Variants in EHBP1L1 observed in about 807,000 individuals in gnomAD.
EHBP1L1 encodes EH domain binding protein 1 like 1.
Under a neutral mutation model 151.1 loss-of-function variants are expected in EHBP1L1, and 122 were observed. The ratio of observed to expected loss-of-function variants is 0.81; its 90% CI spans 0.70 to 0.94. The LOEUF (loss-of-function observed/expected upper bound fraction) is 0.94, where lower values mean the gene tolerates loss of function less well. EHBP1L1 is among the 40% of genes least tolerant of loss of function. The pLI is 0.00. For synonymous variants in EHBP1L1, 878 were observed against 810.1 expected (o/e 1.08, Z -1.42); for missense variants, 1,941 against 1,959.8 (o/e 0.99, Z 0.18).
Position 65,592,107 on chromosome 11 carries a change from G to A in EHBP1L1, c.4472+17G>A, listed in dbSNP as rs1858354216. 1.2e-6 allele frequency: 2 copies of A among 1,612,144 alleles called. No individual in the cohort carries two copies. Among genetic ancestry groups the A allele is most frequent in the Non-Finnish European group, 1.7e-6 (2 of 1,178,966 alleles). On this transcript the variant is annotated intron_variant, in intron 18 of 18. Transcript: ENST00000309295. ...GGAGCGGATGTGAGTGGCGCTGGGC[G>A]GCGCTGGGAGTTGGGAGGGTCCGGG...
intron 4 of EHBP1L1, 38 bp downstream of exon 4, chr11:65,580,027 G>A (rs763342045): frequency 6.2e-7 from 1 of 1,613,746 alleles, no homozygotes; most frequent in Non-Finnish European, 8.5e-7. Flanking sequence ...GGAATCTTGG[G>A]GACCCTGGGA....
chr11:65,590,337 G>C (rs1858206090), intron 15 of EHBP1L1, 127 bp downstream of exon 15: 2 of 1,520,398 alleles, frequency 1.3e-6, no homozygotes, highest in Admixed American at 4.0e-5. Context: ...CCATTTTACA[G>C]CCAGGCATGC....
rs112470987 is a variant in EHBP1L1 at position 65,579,895 on chromosome 11, TG to T, written c.259-40del. The T allele has an allele frequency of 7.6e-5, 122 of 1,604,664 alleles. 3 individuals are homozygous for T. The African/African-American group carries it at 1.1e-3, about 14-fold the overall frequency. ...AGACAAGCTCTGCTCCCTTTGCTGC[TG>T]CCCCAACAGTCCTGTACTCACCAGC... On this transcript the variant is annotated intron_variant, in intron 3 of 18. Coordinates refer to ENST00000309295, the MANE Select transcript of EHBP1L1 (RefSeq NM_001099409.3).
Position 65,581,758 on chromosome 11 carries a change from T to A in EHBP1L1, c.1086T>A (p.Ile362=). ...EAHGARLGPS[I]EDKGSGDPFG... is the part of the protein sequence containing the mutation. ...ATGGAGCTAGGCTGGGCCCGAGCAT[T>A]GAGGATAAAGGTTCTGGAGACCCTT... is the stretch of plus-strand genomic sequence containing the variant. Residue 362 remains isoleucine, a synonymous_variant, in exon 9 of 19, where the codon ATT becomes ATA. Coordinates refer to ENST00000309295, the MANE Select transcript of EHBP1L1 (RefSeq NM_001099409.3). 6.2e-7 allele frequency: 1 copy of A among 1,610,490 alleles called. No individual in the cohort carries two copies. The highest frequency in any genetic ancestry group is 8.5e-7 in the Non-Finnish European group (1 of 1,178,452).
At chr11:65,577,504 G>A (rs2135219719) in intron 1 of EHBP1L1, among the ~76,000 whole-genome samples, 1 of 152,328 alleles carries the variant, frequency 6.6e-6, no homozygotes, top group African/African-American at 2.4e-5. Context: ...GGCACAGCAG[G>A]CTGAGGGTGC....
At position 65,581,811 on chromosome 11, in the gene EHBP1L1, AGAT is replaced by A; in HGVS notation, c.1141_1143del (p.Met381del). The A allele has an allele frequency of 6.2e-7, 1 of 1,613,644 alleles. No homozygotes were observed. The highest frequency in any genetic ancestry group is 8.5e-7 in the Non-Finnish European group (1 of 1,179,784). On this transcript the variant is annotated inframe_deletion, in exon 9 of 19. Coordinates refer to ENST00000309295, the MANE Select transcript of EHBP1L1 (RefSeq NM_001099409.3). ...GGAAGGCAGAGACTCAAGGCTGAAG[AGAT>A]GGACACTGAGGACAGGCCAGAGGCC...
At chr11:65,586,936 T>C (rs898640377) in intron 12 of EHBP1L1, among the ~76,000 whole-genome samples, 5 of 152,188 alleles carry the variant, frequency 3.3e-5, no homozygotes, top group Non-Finnish European at 5.9e-5. Flanking sequence ...ATCTGACCCA[T>C]AGGGCTGGAG....
intron 3 of EHBP1L1, 84 bp from the exon 4 acceptor site, chr11:65,579,852 C>A: frequency 7.1e-7 from 1 of 1,405,974 alleles, no homozygotes; most frequent in Non-Finnish European, 9.9e-7. Context: ...GCCACCACTA[C>A]CAAGCACCTC....
chr11:65,589,089 G>A (rs1858122755), intron 12 of EHBP1L1, among the ~76,000 whole-genome samples: 1 of 152,194 alleles, frequency 6.6e-6, no homozygotes, highest in Non-Finnish European at 1.5e-5. Context: ...GAAGTCAGAG[G>A]TGGCCTGAGG....
intron 6 of EHBP1L1, 36 bp from the exon 7 acceptor site, chr11:65,581,022 T>C (rs371174200): frequency 2.7e-4 from 423 of 1,568,126 alleles, no homozygotes; most frequent in Middle Eastern, 1.0e-3. Context: ...TGCCCTGGGC[T>C]GACTCTGCCC....
chr11:65,590,131 G>C lies in EHBP1L1; in HGVS notation c.4104G>C (p.Gln1368His). The C allele has an allele frequency of 6.2e-7, 1 of 1,613,842 alleles. No individual in the cohort carries two copies. The highest frequency in any genetic ancestry group is 1.1e-5 in the South Asian group (1 of 91,052). ...DTSQYVCAEL[Q>H]ALEQEQRQID... ...GTCAGTACGTGTGTGCAGAGCTGCAGGCCCTGGAACAGGAGCAGAGGCAGA... is the reference window on the plus strand; with the variant it reads ...GTCAGTACGTGTGTGCAGAGCTGCACGCCCTGGAACAGGAGCAGAGGCAGA... The change falls in exon 15 of 19, where the codon CAG (glutamine) becomes CAC (histidine). Residue 1368 changes from glutamine (Q) to histidine (H), a missense_variant. Coordinates refer to ENST00000309295, the MANE Select transcript of EHBP1L1 (RefSeq NM_001099409.3).
chr11:65,584,807 G>T (rs1857846478), intron 11 of EHBP1L1, 152 bp from the exon 12 acceptor site: 1 of 1,145,526 alleles, frequency 8.7e-7, no homozygotes, highest in Admixed American at 2.7e-5. Flanking sequence ...GGCGGGCCTT[G>T]TTGCTGGATT....
Position 65,592,357 on chromosome 11 carries a change from C to T in EHBP1L1, c.*55C>T, listed in dbSNP as rs11542237. 4.7e-6 allele frequency: 6 copies of T among 1,283,398 alleles called. No individual in the cohort carries two copies. The African/African-American group carries it at 8.0e-5, about 17-fold the overall frequency. 79.5% of individuals were successfully genotyped at this position (1,283,398 alleles called of 1,614,324 possible). A position where few individuals can be genotyped will look rare whatever the true frequency, so the allele number is the denominator to read the frequency against. On this transcript the variant is annotated 3_prime_UTR_variant, in exon 19 of 19. Coordinates refer to ENST00000309295, the MANE Select transcript of EHBP1L1 (RefSeq NM_001099409.3). ...TCGCGTCCCCGGCGTCCGCCGCCGCCCCGGGCCTGCGCTGCGGACGACCCG... is the reference window on the plus strand; with the variant it reads ...TCGCGTCCCCGGCGTCCGCCGCCGCTCCGGGCCTGCGCTGCGGACGACCCG...
Position 65,576,420 on chromosome 11 carries a change from AGGCGGGGGG to A in EHBP1L1, c.104+16_104+24del. On this transcript the variant is annotated intron_variant, in intron 1 of 18. Coordinates refer to ENST00000309295, the MANE Select transcript of EHBP1L1 (RefSeq NM_001099409.3). ...CACCAAGAAATGGTGAGTGGGAGGG[AGGCGGGGGG>A]GCTCCCCCGAACTTGCTGGGACCTC... 1 of 1,560,232 alleles carries A rather than the reference AGGCGGGGGG, an allele frequency of 6.4e-7. No homozygotes were observed.
chr11:65,591,789 C>CCCCCCCACA lies in EHBP1L1; in HGVS notation c.4284-10_4284-9insCCCCCACAC. 6.5e-7 allele frequency: 1 copy of CCCCCCCACA among 1,540,434 alleles called. No individual in the cohort carries two copies. On this transcript the variant is annotated splice_polypyrimidine_tract_variant and intron_variant, in intron 16 of 18. Transcript: ENST00000309295. ...CCACCCCCCCGCCACCCACCCCCCG[C>CCCCCCCACA]CACCTTCCAGCATGGAGGAGCAGGA...
In EHBP1L1 at chr11:65,581,739, C is replaced by G. The variant is rs548191828; in HGVS notation, c.1067C>G (p.Ala356Gly). The stretch of plus-strand genomic sequence containing the variant: ...CAGGAAGGGACAGAAGCCCATGGAG[C>G]TAGGCTGGGCCCGAGCATTGAGGAT... Reference protein sequence around the residue: ...CPQEGTEAHGARLGPSIEDKG... With the variant: ...CPQEGTEAHGGRLGPSIEDKG... The change falls in exon 9 of 19, where the codon GCT (alanine) becomes GGT (glycine). Residue 356 changes from alanine to glycine, a missense_variant. Coordinates refer to ENST00000309295, the MANE Select transcript of EHBP1L1 (RefSeq NM_001099409.3). The G allele has an allele frequency of 6.2e-7, 1 of 1,601,998 alleles. No homozygotes were observed. Among genetic ancestry groups the G allele is most frequent in the African/African-American group, 1.3e-5 (1 of 74,860 alleles).
At position 65,592,514 on chromosome 11, in the gene EHBP1L1, T is replaced by G; in HGVS notation, c.*212T>G. On this transcript the variant is annotated 3_prime_UTR_variant, in exon 19 of 19. Coordinates refer to ENST00000309295, the MANE Select transcript of EHBP1L1 (RefSeq NM_001099409.3). ...TTTGTCACCGAGGGTGTGTGCGCGC[T>G]CGCGGCGGGTGCGGGGTCCTCCCCG... is the stretch of plus-strand genomic sequence containing the variant. The G allele has an allele frequency of 2.8e-5, 6 of 211,936 alleles. No individual in the cohort carries two copies. Among genetic ancestry groups the G allele is most frequent in the Non-Finnish European group, 4.4e-5 (5 of 113,828 alleles). The allele number at this position is 211,936 out of a possible 1,614,324, so 13.1% of individuals were successfully genotyped here.
In EHBP1L1 at chr11:65,579,292, TG is replaced by T. The variant is rs1195813258; in HGVS notation, c.163-46del. On this transcript the variant is annotated intron_variant, in intron 2 of 18. Transcript: ENST00000309295. ...CAAGGTTGGTGATAGGGGGTGCAGG[TG>T]GGAGGGAAGAGTTAAGATGGGGGGA... 2.0e-6 allele frequency: 3 copies of T among 1,482,884 alleles called. No homozygotes were observed. In the African/African-American group the frequency reaches 4.3e-5, roughly 21 times the overall value. The allele number at this position is 1,482,884 out of a possible 1,614,324, so 91.9% of individuals were successfully genotyped here. A position where few individuals can be genotyped will look rare whatever the true frequency, so the allele number is the denominator to read the frequency against.
Position 65,582,448 on chromosome 11 carries a change from A to C in EHBP1L1, c.1776A>C (p.Ser592=). 4 of 1,612,626 alleles carry C rather than the reference A, an allele frequency of 2.5e-6. No homozygotes were observed. The highest frequency in any genetic ancestry group is 3.4e-6 in the Non-Finnish European group (4 of 1,179,708). ...LGTQEKEVEG[S]GFPETRTLEI... is the part of the protein sequence containing the mutation. ...CCCAGGAGAAAGAAGTTGAGGGGTC[A>C]GGGTTCCCAGAGACTAGGACACTAG... The change falls in exon 9 of 19, where the codon TCA becomes TCC. Residue 592 remains serine, a synonymous_variant. Coordinates refer to ENST00000309295, the MANE Select transcript of EHBP1L1 (RefSeq NM_001099409.3).
Sources: gnomAD v4.1 joint callset for allele counts (sites outside exome capture counted in the v4.1 genomes callset) on GRCh38, gnomAD v4.1.1 for gene constraint, MANE v1.5 for transcripts, NCBI Gene and HGNC (gene_info 2026-07-23, HGNC 2026-07-21) for gene names.